The following GRID1 variants were observed in gnomAD, a reference collection of about 807,000 sequenced individuals.
The protein encoded by GRID1 is glutamate ionotropic receptor delta type subunit 1.
Under a neutral mutation model 98.0 loss-of-function variants are expected in GRID1, and 28 were observed. That is an observed-to-expected ratio of 0.29 (90% CI 0.21 to 0.39). GRID1 has a LOEUF of 0.39. GRID1 is among the 10% of genes least tolerant of loss of function. The pLI is 1.00. For missense variants in GRID1, 1,111 were observed against 1,340.5 expected (o/e 0.83, Z 2.67); for synonymous variants, 553 against 538.5 (o/e 1.03, Z -0.37).
intron 4 of GRID1, among the ~76,000 whole-genome samples, chr10:85,955,025 T>C (rs901106762): frequency 6.6e-6 from 1 of 152,028 alleles, no homozygotes; most frequent in African/African-American, 2.4e-5. Flanking sequence ...AATACAAAAA[T>C]ACAAAAAACA....
chr10:86,345,518 C>T (rs1358866547), intron 2 of GRID1, among the ~76,000 whole-genome samples: 8 of 152,340 alleles, frequency 5.3e-5, no homozygotes, highest in African/African-American at 1.4e-4. Flanking sequence ...TGGGCCTCAG[C>T]CATGTAGAAG....
chr10:86,190,059 T>C (rs1214205799), intron 3 of GRID1, among the ~76,000 whole-genome samples: 1 of 152,138 alleles, frequency 6.6e-6, no homozygotes, highest in Non-Finnish European at 1.5e-5. Flanking sequence ...GTCCACCGCA[T>C]GCCTTCCGTG....
chr10:86,109,153 C>G (rs1475447851), intron 4 of GRID1, among the ~76,000 whole-genome samples: 1 of 152,192 alleles, frequency 6.6e-6, no homozygotes, highest in African/African-American at 2.4e-5. Context: ...TGTATCTGCT[C>G]TCCTGTTTAT....
intron 8 of GRID1, among the ~76,000 whole-genome samples, chr10:85,740,987 C>T (rs1483543727): frequency 6.6e-6 from 1 of 152,142 alleles, no homozygotes; most frequent in Admixed American, 6.6e-5. Flanking sequence ...CTCCTGACCC[C>T]AGGTGATCCA....
chr10:86,176,609 T>C (rs1427622614), intron 3 of GRID1, among the ~76,000 whole-genome samples: 1 of 152,202 alleles, frequency 6.6e-6, no homozygotes, highest in Non-Finnish European at 1.5e-5. Flanking sequence ...GGGTCCTGGA[T>C]ATGAAGCTGC....
chr10:86,049,716 G>A (rs1843474341), intron 4 of GRID1, among the ~76,000 whole-genome samples: 1 of 152,146 alleles, frequency 6.6e-6, no homozygotes, highest in African/African-American at 2.4e-5. Context: ...ACTACCTCTG[G>A]GACCAGATTC....
At chr10:85,742,478 A>G (rs190036363) in intron 8 of GRID1, among the ~76,000 whole-genome samples, 105 of 152,336 alleles carry the variant, frequency 6.9e-4, no homozygotes, top group African/African-American at 2.3e-3. Context: ...TGCTTCAATT[A>G]CATATTTAAA....
chr10:85,761,443 A>T (rs564947291), intron 8 of GRID1, among the ~76,000 whole-genome samples: 1 of 152,214 alleles, frequency 6.6e-6, no homozygotes, highest in East Asian at 1.9e-4. Flanking sequence ...CAGGTGCTGC[A>T]TTGGGGACTA....
intron 2 of GRID1, among the ~76,000 whole-genome samples, chr10:86,351,714 T>C (rs979751008): frequency 6.6e-5 from 10 of 152,152 alleles, no homozygotes; most frequent in African/African-American, 2.4e-4. Flanking sequence ...GAAGCCAGTG[T>C]CCTCTTGGGC....
intron 4 of GRID1, among the ~76,000 whole-genome samples, chr10:86,024,564 C>T (rs1012538964): frequency 8.5e-5 from 13 of 152,212 alleles, no homozygotes; most frequent in African/African-American, 1.9e-4. Flanking sequence ...CTCACCATGA[C>T]GTGGATGGTG....
intron 4 of GRID1, among the ~76,000 whole-genome samples, chr10:86,060,245 A>G (rs1357318519): frequency 6.6e-6 from 1 of 152,260 alleles, no homozygotes; most frequent in Non-Finnish European, 1.5e-5. Context: ...CTGCTTCCCT[A>G]AGAGTTTTTA....
chr10:86,004,129 T>G (rs1431210438), intron 4 of GRID1, among the ~76,000 whole-genome samples: 1 of 152,212 alleles, frequency 6.6e-6, no homozygotes, highest in Non-Finnish European at 1.5e-5. Context: ...ACAGGGTAAG[T>G]AACTTGCCTA....
intron 2 of GRID1, among the ~76,000 whole-genome samples, chr10:86,230,047 T>A (rs1481593734): frequency 1.3e-5 from 2 of 152,122 alleles, no homozygotes; most frequent in Non-Finnish European, 1.5e-5. Flanking sequence ...CCTCCAGGTA[T>A]CCCCAGCCCC....
At chr10:86,168,879 G>C (rs2131991675) in intron 3 of GRID1, among the ~76,000 whole-genome samples, 1 of 152,340 alleles carries the variant, frequency 6.6e-6, no homozygotes, top group African/African-American at 2.4e-5. Context: ...CATTCAGGGA[G>C]ACTCCCTGGG....
At chr10:86,299,668 A>G (rs1589441792) in intron 2 of GRID1, among the ~76,000 whole-genome samples, 2 of 152,160 alleles carry the variant, frequency 1.3e-5, no homozygotes, top group East Asian at 3.8e-4. Context: ...GCGCTTTGCC[A>G]ATGTGGATTG....
chr10:86,084,111 C>T (rs139193045), intron 4 of GRID1, among the ~76,000 whole-genome samples: 14 of 152,188 alleles, frequency 9.2e-5, no homozygotes, highest in African/African-American at 2.9e-4. Flanking sequence ...CTGGTGTGTC[C>T]CTCGGGACTC....
chr10:85,961,664 GCTTC>G (rs1191317191), intron 4 of GRID1, among the ~76,000 whole-genome samples: 2 of 146,310 alleles, frequency 1.4e-5, no homozygotes, highest in Admixed American at 6.9e-5. Flanking sequence ...TTCCTTCTCA[GCTTC>G]CTTCTCTCCT....
chr10:85,680,666 T>G (rs1201494291), intron 12 of GRID1, among the ~76,000 whole-genome samples: 1 of 152,212 alleles, frequency 6.6e-6, no homozygotes, highest in Non-Finnish European at 1.5e-5. Flanking sequence ...AAAAGATATG[T>G]GCACTCATGC....
At chr10:86,029,483 T>C (rs980109197) in intron 4 of GRID1, among the ~76,000 whole-genome samples, 2 of 152,316 alleles carry the variant, frequency 1.3e-5, no homozygotes, top group East Asian at 1.9e-4. Context: ...ATAATCATTC[T>C]TGTACTTTAT....
Sources: gnomAD v4.1 joint callset for allele counts (sites outside exome capture counted in the v4.1 genomes callset) on GRCh38, gnomAD v4.1.1 for gene constraint, MANE v1.5 for transcripts, NCBI Gene and HGNC (gene_info 2026-07-23, HGNC 2026-07-21) for gene names.